The following VSIG2 variants were observed in gnomAD, a reference collection of about 807,000 sequenced individuals.
VSIG2 encodes V-set and immunoglobulin domain containing 2.
VSIG2 carries 30 observed loss-of-function variants against 29.4 expected under a neutral mutation model. That is an observed-to-expected ratio of 1.02 (90% CI 0.76 to 1.38). The LOEUF (loss-of-function observed/expected upper bound fraction) is 1.38. Ranked by LOEUF, VSIG2 falls within the 40% of genes most tolerant of loss-of-function variation. The pLI, the probability that VSIG2 is intolerant of heterozygous loss-of-function variation, is 0.00. For missense variants in VSIG2, 421 were observed against 400.8 expected (o/e 1.05, Z -0.43); for synonymous variants, 178 against 174.2 (o/e 1.02, Z -0.17).
intron 3 of VSIG2, 119 bp downstream of exon 3, chr11:124,750,595 C>A (rs558012787): frequency 9.2e-7 from 1 of 1,089,784 alleles, no homozygotes. Flanking sequence ...TCACTTGGGG[C>A]CCCCAGTGCA....
chr11:124,750,689 C>T, intron 3 of VSIG2, 25 bp downstream of exon 3: 1 of 1,609,876 alleles, frequency 6.2e-7, no homozygotes, highest in Non-Finnish European at 8.5e-7. Context: ...GAGTATGTGG[C>T]TCGTGGATCC....
chr11:124,748,109 G>A (rs906054144), intron 6 of VSIG2: 8 of 438,342 alleles, frequency 1.8e-5, no homozygotes, highest in East Asian at 7.8e-5. Flanking sequence ...AAATACCTTC[G>A]GAACAGAAAA....
chr11:124,752,035 GC>G (rs1944092451), intron 1 of VSIG2, 41 bp downstream of exon 1: 9 of 1,540,882 alleles, frequency 5.8e-6, no homozygotes, highest in Admixed American at 2.0e-5. Context: ...CCAGGCCTAT[GC>G]CCCCCAGCCC....
Position 124,750,782 on chromosome 11 carries a change from A to ACTG in VSIG2, c.358_359insCAG (p.Leu120delinsProVal). ...ATCTGGTGGGTTGTTGACTTGGCAG[A>ACTG]GGTAGGTTCCAGTATCTGAGGGGTG... On this transcript the variant is annotated protein_altering_variant, in exon 3 of 7. Coordinates refer to ENST00000326621, the MANE Select transcript of VSIG2 (RefSeq NM_014312.5). 6.2e-7 allele frequency: 1 copy of ACTG among 1,614,098 alleles called. No individual in the cohort carries two copies. Among genetic ancestry groups the ACTG allele is most frequent in the Non-Finnish European group, 8.5e-7 (1 of 1,179,982 alleles).
intron 3 of VSIG2, 101 bp from the exon 4 acceptor site, chr11:124,749,967 C>T (rs1355904881): frequency 7.6e-7 from 1 of 1,317,156 alleles, no homozygotes; most frequent in South Asian, 1.6e-5. Context: ...ACTTCAATAC[C>T]CCTATCAAAC....
chr11:124,748,310 AG>A (rs1453348925), intron 6 of VSIG2, 79 bp downstream of exon 6: 30 of 1,423,846 alleles, frequency 2.1e-5, no homozygotes, highest in Admixed American at 4.1e-5. Context: ...ATGATGTCGG[AG>A]TTTGAGGGTT....
At position 124,748,644 on chromosome 11, in the gene VSIG2, C is replaced by T. The variant is rs764280149; in HGVS notation, c.706G>A (p.Glu236Lys). Reference protein sequence around the residue: ...ASCELTLSVTEPSQGRVAGAL... With the variant: ...ASCELTLSVTKPSQGRVAGAL... ...CCTGGCCTCCACCCAGCATCCCTAC[C>T]GGTCACAGAGAGGGTCAGCTCACAG... The change falls in exon 5 of 7, where the codon GAA (glutamate) becomes AAA (lysine). Residue 236 changes from glutamate to lysine, a missense_variant and splice_region_variant. Physicochemically the swap from Glu to Lys is moderately conservative, Grantham distance 56 (BLOSUM62 1). Coordinates refer to ENST00000326621, the MANE Select transcript of VSIG2 (RefSeq NM_014312.5). 56 of 1,612,088 alleles carry T rather than the reference C, an allele frequency of 3.5e-5. No homozygotes were observed. In the South Asian group the frequency reaches 3.5e-4, roughly 10 times the overall value.
In VSIG2 at chr11:124,749,824, G is replaced by A. The variant is rs1404434413; in HGVS notation, c.470C>T (p.Ser157Phe). ...NPLCSQSGQT[S>F]VGGSTALRCS... Reference sequence around the variant, plus strand: ...TCTCAGTGCAGTAGAGCCTCCCACAGAGGTTTGTCCACTCTGACTGCATAA... The same window carrying A: ...TCTCAGTGCAGTAGAGCCTCCCACAAAGGTTTGTCCACTCTGACTGCATAA... The change falls in exon 4 of 7, where the codon TCT becomes TTT. Residue 157 changes from serine to phenylalanine, a missense_variant. By Grantham distance (155) the Ser-to-Phe change is radical. Transcript: ENST00000326621. The A allele has an allele frequency of 6.5e-7, 1 of 1,531,376 alleles. No individual in the cohort carries two copies. The highest frequency in any genetic ancestry group is 8.8e-7 in the Non-Finnish European group (1 of 1,132,456). The allele number at this position is 1,531,376 out of a possible 1,614,324, so 94.9% of individuals were successfully genotyped here.
chr11:124,748,374 C>G lies in VSIG2; in HGVS notation c.851+16G>C. The G allele has an allele frequency of 6.3e-7, 1 of 1,594,022 alleles. No individual in the cohort carries two copies. The highest frequency in any genetic ancestry group is 8.5e-7 in the Non-Finnish European group (1 of 1,170,638). Reference sequence around the variant, plus strand: ...TTTCCTCCCTCCTTGCGCCACCCCCCAGCCCTCCTGCTCACCGAAGGTCAC... The same window carrying G: ...TTTCCTCCCTCCTTGCGCCACCCCCGAGCCCTCCTGCTCACCGAAGGTCAC... On this transcript the variant is annotated intron_variant, in intron 6 of 6. Transcript: ENST00000326621.
intron 5 of VSIG2, 47 bp from the exon 6 acceptor site, chr11:124,748,581 C>T (rs1565439011): frequency 1.2e-6 from 2 of 1,607,434 alleles, no homozygotes; most frequent in African/African-American, 1.3e-5. Context: ...CTTTCCTCGG[C>T]CCACCAGCCG....
chr11:124,749,993 T>A, intron 3 of VSIG2, 127 bp from the exon 4 acceptor site: 1 of 1,063,120 alleles, frequency 9.4e-7, no homozygotes, highest in Non-Finnish European at 1.3e-6. Context: ...TCCTCTTGGG[T>A]CCACACACCA....
chr11:124,748,369 C>T (rs755999131), intron 6 of VSIG2, 21 bp downstream of exon 6: 100 of 1,574,098 alleles, frequency 6.4e-5, no homozygotes, highest in Non-Finnish European at 5.9e-5. Flanking sequence ...CCTTGCGCCA[C>T]CCCCCAGCCC....
chr11:124,752,108 G>C lies in VSIG2; in HGVS notation c.30C>G (p.Cys10Trp). The C allele has an allele frequency of 6.2e-7, 1 of 1,606,000 alleles. No homozygotes were observed. Among genetic ancestry groups the C allele is most frequent in the Non-Finnish European group, 8.5e-7 (1 of 1,178,684 alleles). Residue 10 changes from cysteine to tryptophan, a missense_variant, in exon 1 of 7, where the codon TGC becomes TGG. Coordinates refer to ENST00000326621, the MANE Select transcript of VSIG2 (RefSeq NM_014312.5). ...GGCACAGGAAGCCTAGCAGGGCCCC[G>C]CAGAGAAAGGGCCCCGGGAGCTCGG... is the stretch of plus-strand genomic sequence containing the variant. MAELPGPFLCGALLGFLCLS... is the reference protein window; with the variant it reads MAELPGPFLWGALLGFLCLS...
chr11:124,750,566 A>G, intron 3 of VSIG2, 148 bp downstream of exon 3: 1 of 721,386 alleles, frequency 1.4e-6, no homozygotes, highest in Middle Eastern at 4.0e-4. Context: ...GAATTAGAAG[A>G]CTTGGAAAGG....
intron 4 of VSIG2, 23 bp from the exon 5 acceptor site, chr11:124,748,786 TC>T (rs775685432): frequency 1.9e-6 from 3 of 1,614,002 alleles, no homozygotes; most frequent in African/African-American, 2.7e-5. Flanking sequence ...GAGGAAGTGT[TC>T]CACGACTCAT....
At position 124,752,219 on chromosome 11, in the gene VSIG2, C is replaced by T; in HGVS notation, c.-82G>A. The T allele has an allele frequency of 7.1e-7, 1 of 1,411,000 alleles. No homozygotes were observed. The highest frequency in any genetic ancestry group is 9.4e-7 in the Non-Finnish European group (1 of 1,065,528). 87.4% of individuals were successfully genotyped at this position (1,411,000 alleles called of 1,614,324 possible). ...GGGTGTCGGGCAGGGAAGGGAGCAC[C>T]CAAGGGCAGCCGCCCGGGCTGGGCA... On this transcript the variant is annotated 5_prime_UTR_variant, in exon 1 of 7. Transcript: ENST00000326621.
chr11:124,748,591 G>C (rs1445312818), intron 5 of VSIG2, 53 bp downstream of exon 5: 1 of 1,606,682 alleles, frequency 6.2e-7, no homozygotes, highest in East Asian at 2.2e-5. Flanking sequence ...CCCACCAGCC[G>C]ACAGCTTCCC....
At chr11:124,751,816 A>C (rs1384460561) in intron 1 of VSIG2, among the ~76,000 whole-genome samples, 4 of 152,206 alleles carry the variant, frequency 2.6e-5, no homozygotes, top group Non-Finnish European at 5.9e-5. Flanking sequence ...TAGCAGAGAA[A>C]GGAAAACACT....
chr11:124,747,722 G>A, intron 6 of VSIG2, 55 bp from the exon 7 acceptor site: 1 of 1,568,306 alleles, frequency 6.4e-7, no homozygotes, highest in Non-Finnish European at 8.7e-7. Context: ...GCGGAGGAGG[G>A]CCGTCCTCTA....
Sources: gnomAD v4.1 joint callset for allele counts (sites outside exome capture counted in the v4.1 genomes callset) on GRCh38, gnomAD v4.1.1 for gene constraint, MANE v1.5 for transcripts, NCBI Gene and HGNC (gene_info 2026-07-23, HGNC 2026-07-21) for gene names.